OPN5: variants seen among roughly 807,000 people sequenced by gnomAD.
OPN5 encodes opsin-5.
A neutral mutation model predicts 41.7 loss-of-function variants in OPN5; 18 were observed. The ratio of observed to expected loss-of-function variants is 0.43; its 90% CI spans 0.30 to 0.64. The LOEUF (loss-of-function observed/expected upper bound fraction) is 0.64, where lower values mean the gene tolerates loss of function less well. Among genes scored for constraint, OPN5 ranks in the 30% least tolerant of loss-of-function variants. The pLI is 0.13. For missense variants in OPN5, 318 were observed against 434.5 expected (o/e 0.73, Z 2.38); for synonymous variants, 178 against 164.3 (o/e 1.08, Z -0.64).
rs567362961 is a variant in OPN5, at chr6:47,809,551, A to G, written c.998+1156A>G. On this transcript the variant is annotated intron_variant, in intron 5 of 6. Transcript: ENST00000371211. ...ACCAGTATTTAATGTTCAGTTGTTT[A>G]CAATACGTTTACAATAGCTCTATAT... Among the ~76,000 whole-genome samples, 17 of 152,358 alleles carry G rather than the reference A, an allele frequency of 1.1e-4. No homozygotes were observed. In the South Asian group the frequency reaches 3.3e-3, roughly 30 times the overall value.
chr6:47,824,217 T>C, exon 7 of OPN5: 1 of 567,102 alleles, frequency 1.8e-6, no homozygotes. Context: ...GAGTTATAAC[T>C]AAAGAGTGCC....
chr6:47,814,727 A>T (rs115709288), intron 6 of OPN5, among the ~76,000 whole-genome samples: 1,987 of 152,246 alleles, frequency 0.013, 22 homozygotes, highest in Admixed American at 0.021. Context: ...AAAACTCTAT[A>T]CAGACCTCAA....
chr6:47,819,215 A>G (rs1214201141), intron 6 of OPN5, among the ~76,000 whole-genome samples: 1 of 151,050 alleles, frequency 6.6e-6, no homozygotes, highest in Non-Finnish European at 1.5e-5. Context: ...TAGCAGCACA[A>G]TAAGAATCAC....
At chr6:47,816,258 G>A (rs528210102) in intron 6 of OPN5, among the ~76,000 whole-genome samples, 1 of 152,230 alleles carries the variant, frequency 6.6e-6, no homozygotes, top group South Asian at 2.1e-4. Context: ...GCAAAGTTTT[G>A]ACCTTTCTGT....
At position 47,821,137 on chromosome 6, in the gene OPN5, G is replaced by A. The variant is rs569829932; in HGVS notation, c.1057-2846G>A. On this transcript the variant is annotated intron_variant, in intron 6 of 6. Transcript: ENST00000371211. ...CCTTGCTGCATCAGGGGTGGCAGAG[G>A]CAGAAGTGATGGAGGAAGTGGAAGG... is the stretch of plus-strand genomic sequence containing the variant. Among the ~76,000 whole-genome samples, 55 of 152,288 alleles carry A rather than the reference G, an allele frequency of 3.6e-4. 2 individuals are homozygous for A. The South Asian group carries it at 0.011, about 31-fold the overall frequency.
At chr6:47,787,868 G>A (rs1456821141) in intron 2 of OPN5, among the ~76,000 whole-genome samples, 2 of 152,132 alleles carry the variant, frequency 1.3e-5, no homozygotes, top group African/African-American at 2.4e-5. Flanking sequence ...CTGCACTCCA[G>A]CCTGGGTGAA....
chr6:47,809,047 C>T lies in OPN5; in HGVS notation c.998+652C>T, dbSNP rs185207793. 4.2e-3 allele frequency among the ~76,000 whole-genome samples: 632 copies of T among 152,256 alleles called. 6 individuals carry two copies. The highest frequency in any genetic ancestry group is 0.015 in the African/African-American group (609 of 41,522). On this transcript the variant is annotated intron_variant, in intron 5 of 6. Transcript: ENST00000371211. ...CAAAATGTATCCTCCTTGGTTGATA[C>T]TGTTTGTGCTACACAGTGAAAAGAG...
intron 6 of OPN5, among the ~76,000 whole-genome samples, chr6:47,815,854 A>C (rs963823501): frequency 4.6e-5 from 7 of 152,150 alleles, no homozygotes; most frequent in African/African-American, 1.7e-4. Context: ...TCACCAGGTT[A>C]TGGGACTGCA....
chr6:47,817,193 A>G (rs1478842470), intron 6 of OPN5, among the ~76,000 whole-genome samples: 3 of 152,102 alleles, frequency 2.0e-5, no homozygotes, highest in Non-Finnish European at 4.4e-5. Context: ...GACATACTGG[A>G]GATGAAGAAG....
chr6:47,819,608 C>A (rs141559616), intron 6 of OPN5, among the ~76,000 whole-genome samples: 347 of 151,716 alleles, frequency 2.3e-3, no homozygotes, highest in African/African-American at 7.9e-3. Context: ...CTGTTATTGG[C>A]GTGTTTCCCA....
exon 7 of OPN5, chr6:47,824,034 G>A (rs1384198237): frequency 1.1e-5 from 17 of 1,502,440 alleles, no homozygotes; most frequent in South Asian, 4.8e-5. Flanking sequence ...GTGCTTACAC[G>A]GCGTCTGGCA....
chr6:47,823,095 C>T (rs1762683101), intron 6 of OPN5, among the ~76,000 whole-genome samples: 1 of 152,182 alleles, frequency 6.6e-6, no homozygotes, highest in Admixed American at 6.5e-5. Flanking sequence ...GAACTGAATT[C>T]TGACTCTGGT....
chr6:47,820,740 G>T (rs1762597325), intron 6 of OPN5, among the ~76,000 whole-genome samples: 1 of 152,050 alleles, frequency 6.6e-6, no homozygotes. Context: ...ATGAAAATAG[G>T]TCATGGTGTA....
chr6:47,782,801 C>T (rs1044519640), intron 1 of OPN5, among the ~76,000 whole-genome samples: 8 of 152,226 alleles, frequency 5.3e-5, no homozygotes, highest in East Asian at 1.9e-4. Context: ...GCATAATTGA[C>T]GAAAGGGTGC....
At chr6:47,824,061 C>T in exon 7 of OPN5, 1 of 1,272,508 alleles carries the variant, frequency 7.9e-7, no homozygotes, top group Non-Finnish European at 1.1e-6. Flanking sequence ...GAGAAATTAG[C>T]TTACAAATGT....
intron 4 of OPN5, among the ~76,000 whole-genome samples, chr6:47,800,537 G>A (rs1383479363): frequency 6.6e-6 from 1 of 152,218 alleles, no homozygotes; most frequent in South Asian, 2.1e-4. Flanking sequence ...AGTAATTGGG[G>A]AAGTTGCATA....
Position 47,808,504 on chromosome 6 carries a change from G to A in OPN5, c.998+109G>A, listed in dbSNP as rs926661734. 10 of 1,209,726 alleles carry A rather than the reference G, an allele frequency of 8.3e-6. No homozygotes were observed. The African/African-American group carries it at 1.4e-4, about 17-fold the overall frequency. The allele number at this position is 1,209,726 out of a possible 1,614,324, so 74.9% of individuals were successfully genotyped here. ...TCTTAGGGTTAAAGCTCATCGCCTAGGAGTAGTGTAGGAAGGACTTTATTT... is the reference window on the plus strand; with the variant it reads ...TCTTAGGGTTAAAGCTCATCGCCTAAGAGTAGTGTAGGAAGGACTTTATTT... On this transcript the variant is annotated intron_variant, in intron 5 of 6. Coordinates refer to ENST00000371211, the Ensembl canonical transcript of OPN5.
intron 3 of OPN5, among the ~76,000 whole-genome samples, chr6:47,793,314 T>A (rs535362625): frequency 6.6e-6 from 1 of 152,300 alleles, no homozygotes; most frequent in African/African-American, 2.4e-5. Flanking sequence ...ACTGCCAGGA[T>A]CATTGCAGGT....
At chr6:47,816,869 A>G (rs997072484) in intron 6 of OPN5, among the ~76,000 whole-genome samples, 2 of 152,134 alleles carry the variant, frequency 1.3e-5, no homozygotes, top group Non-Finnish European at 2.9e-5. Context: ...TGTTATCATC[A>G]CTATTAGAGG....
Sources: gnomAD v4.1 joint callset for allele counts (sites outside exome capture counted in the v4.1 genomes callset) on GRCh38, gnomAD v4.1.1 for gene constraint, MANE v1.5 for transcripts, NCBI Gene and HGNC (gene_info 2026-07-23, HGNC 2026-07-21) for gene names.